The following AZIN2 variants were observed in gnomAD, a reference collection of about 807,000 sequenced individuals.
AZIN2 encodes ODC antizyme inhibitor-2.
A neutral mutation model predicts 47.8 loss-of-function variants in AZIN2; 28 were observed. The observed-to-expected ratio is 0.59, with a 90% CI of 0.43 to 0.80. The LOEUF is 0.80. AZIN2 is among the 30% of genes least tolerant of loss of function. The pLI, the probability that AZIN2 is intolerant of heterozygous loss-of-function variation, is 0.00. For synonymous variants in AZIN2, 221 were observed against 239.4 expected (o/e 0.92, Z 0.71); for missense variants, 535 against 582.5 (o/e 0.92, Z 0.84).
In AZIN2 at chr1:33,093,367, C is replaced by CA. The variant is rs769957125; in HGVS notation, c.539dup (p.His180GlnfsTer4). 1.1e-5 allele frequency: 18 copies of CA among 1,613,984 alleles called. No individual in the cohort carries two copies. The South Asian group carries it at 2.0e-4, about 18-fold the overall frequency. ...TGGAGTGTCACTGAAATCCTGCAGA[C>CA]ACCTGCTTGAAAATGCGAAGAAGCA... On this transcript the variant is annotated frameshift_variant, in exon 7 of 12. Transcript: ENST00000294517. LOFTEE classifies it high-confidence loss of function.
At chr1:33,165,630 AC>A in the AZIN2 span, 1 of 1,425,210 alleles carries the variant, frequency 7.0e-7, no homozygotes, top group South Asian at 1.4e-5. This position sits in a 1 kb window ranked among gnomAD's most constrained non-coding sequence, Gnocchi z 4.0. Flanking sequence ...TTCAGCCCTG[AC>A]CACTGCCAGG....
At chr1:33,148,680 A>G in the AZIN2 span, among the ~76,000 whole-genome samples, 6 of 152,360 alleles carry the variant, frequency 3.9e-5, no homozygotes, top group South Asian at 2.1e-4. Context: ...ATCTATGTAC[A>G]TATACACACA....
chr1:33,094,606 G>A lies in AZIN2; in HGVS notation c.646G>A (p.Ala216Thr), dbSNP rs144776558. The change falls in exon 8 of 12, where the codon GCC becomes ACC. Residue 216 changes from alanine to threonine, a missense_variant. By Grantham distance (58) the Ala-to-Thr change is moderately conservative (BLOSUM62 0). Transcript: ENST00000294517. ...PQAYAQSIAD[A>T]RLVFEMGTEL... is the part of the protein sequence containing the mutation. Reference sequence around the variant, plus strand: ...GGCCTATGCTCAGTCCATCGCAGACGCCCGGCTCGTGTTTGAAATGGGCAC... The same window carrying A: ...GGCCTATGCTCAGTCCATCGCAGACACCCGGCTCGTGTTTGAAATGGGCAC... 20 of 1,614,156 alleles carry A rather than the reference G, an allele frequency of 1.2e-5. No individual in the cohort carries two copies. Among genetic ancestry groups the A allele is most frequent in the East Asian group, 8.9e-5 (4 of 44,878 alleles).
chr1:33,091,946 C>CCTCCCTATGCATAGCTATGA (rs1553160569), intron 5 of AZIN2, 104 bp from the exon 6 acceptor site: 1 of 1,236,162 alleles, frequency 8.1e-7, no homozygotes, highest in Non-Finnish European at 1.1e-6. Context: ...CTGTTATGGG[C>CCTCCCTATGCATAGCTATGA]CTCCCTATGC....
At chr1:33,158,199 G>T in the AZIN2 span, 1 of 1,527,542 alleles carries the variant, frequency 6.5e-7, no homozygotes, top group Non-Finnish European at 9.1e-7. Flanking sequence ...AGGGGGCTGG[G>T]CTGTGCTGGG....
chr1:33,113,197 T>G lies in AZIN2; in HGVS notation c.1030-4705T>G, dbSNP rs1644364826. ...GTTAACCAGGATGGTCTCGACCTCC[T>G]GACCTCATGATCTGCCTACCTCTGC... is the stretch of plus-strand genomic sequence containing the variant. On this transcript the variant is annotated intron_variant, in intron 10 of 11. Coordinates refer to ENST00000294517, the MANE Select transcript of AZIN2 (RefSeq NM_052998.4). This position sits in a 1 kb window ranked among gnomAD's most constrained non-coding sequence, Gnocchi z 4.1. 6.6e-6 allele frequency among the ~76,000 whole-genome samples: 1 copy of G among 152,238 alleles called. No individual in the cohort carries two copies. Among genetic ancestry groups the G allele is most frequent in the East Asian group, 1.9e-4 (1 of 5,204 alleles).
chr1:33,152,849 C>A, the AZIN2 span, among the ~76,000 whole-genome samples: 15 of 151,950 alleles, frequency 9.9e-5, no homozygotes, highest in African/African-American at 3.6e-4. Context: ...TAGCAGGGGG[C>A]GGGGAGAGCA....
the AZIN2 span, among the ~76,000 whole-genome samples, chr1:33,152,780 C>A: frequency 6.6e-6 from 1 of 152,074 alleles, no homozygotes; most frequent in East Asian, 1.9e-4. Flanking sequence ...GAGTGCATTG[C>A]TCTGGGTCAC....
chr1:33,102,698 T>G (rs1643794791), intron 10 of AZIN2, among the ~76,000 whole-genome samples: 1 of 152,154 alleles, frequency 6.6e-6, no homozygotes, highest in Non-Finnish European at 1.5e-5. Flanking sequence ...AGGTAAATGC[T>G]TCCAGACTGA....
the AZIN2 span, among the ~76,000 whole-genome samples, chr1:33,136,367 TCTTTCTTTCTTC>T: frequency 9.4e-4 from 143 of 151,598 alleles, no homozygotes; most frequent in African/African-American, 3.4e-3. Context: ...TCTCTGTCTT[TCTTTCTTTCTTC>T]CTTTCTTTCT....
At position 33,082,332 on chromosome 1, in the gene AZIN2, T is replaced by C. The variant is rs760121543; in HGVS notation, c.83T>C (p.Leu28Pro). 168 of 1,613,694 alleles carry C rather than the reference T, an allele frequency of 1.0e-4. No homozygotes were observed. The Admixed American group carries it at 2.7e-3, about 26-fold the overall frequency. The change falls in exon 4 of 12, where the codon CTG becomes CCG. Residue 28 changes from leucine to proline, a missense_variant. By Grantham distance (98) the Leu-to-Pro change is moderately conservative. Transcript: ENST00000294517. ...STRDLLKELT[L>P]GASQATTDEV... ...CGAGACCTGCTGAAGGAACTCACTC[T>C]GGGGGCCTCACAGGCCACCACGGTG...
chr1:33,147,624 C>T, the AZIN2 span: 5 of 1,614,088 alleles, frequency 3.1e-6, no homozygotes, highest in Non-Finnish European at 8.5e-7. The surrounding 1 kb of genome is among the most constrained non-coding windows in gnomAD (Gnocchi z 8.1). Context: ...GCGAGTCCTG[C>T]AGTGGCTGTG....
the AZIN2 span, among the ~76,000 whole-genome samples, chr1:33,134,122 C>A: frequency 3.3e-5 from 5 of 152,258 alleles, no homozygotes; most frequent in Admixed American, 1.3e-4. Context: ...CACAAGCATG[C>A]TCTGAACACT....
chr1:33,161,171 A>G, the AZIN2 span, among the ~76,000 whole-genome samples: 19 of 152,224 alleles, frequency 1.2e-4, no homozygotes, highest in Non-Finnish European at 2.5e-4. The surrounding 1 kb of genome is among the most constrained non-coding windows in gnomAD (Gnocchi z 4.3). Flanking sequence ...GCAGAGAAAG[A>G]GCCTGGTTAT....
At chr1:33,088,188 A>T (rs1275303381) in intron 5 of AZIN2, among the ~76,000 whole-genome samples, 2 of 152,110 alleles carry the variant, frequency 1.3e-5, no homozygotes, top group African/African-American at 4.8e-5. Context: ...TATCCAGTTG[A>T]CTTGATACGA....
chr1:33,105,593 C>T (rs575477093), intron 10 of AZIN2, among the ~76,000 whole-genome samples: 1 of 152,280 alleles, frequency 6.6e-6, no homozygotes, highest in East Asian at 1.9e-4. Flanking sequence ...AAACCATCAG[C>T]TCTCATGAGA....
chr1:33,143,922 G>T, the AZIN2 span, among the ~76,000 whole-genome samples: 15 of 152,212 alleles, frequency 9.9e-5, no homozygotes, highest in Admixed American at 7.8e-4. Flanking sequence ...TCTGTGGAGG[G>T]ATACTTTGGA....
rs1297482989 is a variant in AZIN2 at position 33,103,255 on chromosome 1, AC to A, written c.1029+5078del. Among the ~76,000 whole-genome samples, 8 of 152,006 alleles carry A rather than the reference AC, an allele frequency of 5.3e-5. 1 individual carries two copies. Among genetic ancestry groups the A allele is most frequent in the Non-Finnish European group, 1.2e-4 (8 of 68,004 alleles). On this transcript the variant is annotated intron_variant, in intron 10 of 11. Coordinates refer to ENST00000294517, the MANE Select transcript of AZIN2 (RefSeq NM_052998.4). ...TCTCAGAATAAAACCTAGACTCCTT[AC>A]CACAACGAGCAAGGCTCCTGCCATC... is the stretch of plus-strand genomic sequence containing the variant.
the AZIN2 span, among the ~76,000 whole-genome samples, chr1:33,153,271 G>A: frequency 1.4e-4 from 21 of 152,270 alleles, no homozygotes; most frequent in East Asian, 1.5e-3. Context: ...CAAAGAAAGG[G>A]GCCCAGCCAA....
Sources: gnomAD v4.1 joint callset for allele counts (sites outside exome capture counted in the v4.1 genomes callset) on GRCh38, gnomAD v4.1.1 for gene constraint, Gnocchi (gnomAD v3.1) non-coding constraint, MANE v1.5 for transcripts, NCBI Gene and HGNC (gene_info 2026-07-23, HGNC 2026-07-21) for gene names.